The following DYNC2LI1 variants were observed in gnomAD, a reference collection of about 807,000 sequenced individuals.
The protein encoded by DYNC2LI1 is cytoplasmic dynein 2 light intermediate chain 1.
Under a neutral mutation model 51.9 loss-of-function variants are expected in DYNC2LI1, and 45 were observed. The ratio of observed to expected loss-of-function variants is 0.87; its 90% CI spans 0.68 to 1.11. The LOEUF is 1.11. DYNC2LI1 is among the 50% of genes most tolerant of loss of function. DYNC2LI1 has a pLI of 0.00. For synonymous variants in DYNC2LI1, 130 were observed against 137.8 expected, an observed-to-expected ratio of 0.94 and a Z score of 0.40; for missense variants, 490 against 417.4, an observed-to-expected ratio of 1.17 and a Z score of -1.51.
chr2:43,809,482 C>A (rs1159000720), intron 12 of DYNC2LI1, among the ~76,000 whole-genome samples: 1 of 152,158 alleles, frequency 6.6e-6, no homozygotes, highest in African/African-American at 2.4e-5. Context: ...TTAATAAATT[C>A]ATCTCTGAGT....
chr2:43,802,874 A>G (rs2104711628), intron 10 of DYNC2LI1, among the ~76,000 whole-genome samples: 1 of 152,314 alleles, frequency 6.6e-6, no homozygotes, highest in South Asian at 2.1e-4. Flanking sequence ...CAGACATTTC[A>G]TTTCAGAGAG....
At chr2:43,824,604 T>C in the DYNC2LI1 span, 3 of 985,450 alleles carry the variant, frequency 3.0e-6, no homozygotes, top group Non-Finnish European at 3.6e-6. Flanking sequence ...CAGCAGGGCC[T>C]TGAGGATCCC....
the DYNC2LI1 span, chr2:43,823,775 C>A: frequency 1.0e-6 from 1 of 975,586 alleles, no homozygotes; most frequent in Non-Finnish European, 1.5e-6. Context: ...AGTTGCCTTT[C>A]CCCAGAGAGG....
At chr2:43,820,281 C>T in the DYNC2LI1 span, among the ~76,000 whole-genome samples, 7 of 152,218 alleles carry the variant, frequency 4.6e-5, no homozygotes, top group African/African-American at 1.7e-4. Flanking sequence ...TTTATTATAT[C>T]AAATTGTTCC....
At chr2:43,786,999 A>G (rs1483356908) in intron 3 of DYNC2LI1, among the ~76,000 whole-genome samples, 182 bp from the exon 4 acceptor site, 3 of 152,152 alleles carry the variant, frequency 2.0e-5, no homozygotes, top group Admixed American at 2.0e-4. Context: ...GTTAAAATCC[A>G]CTAAGACGGT....
chr2:43,807,767 A>C (rs1272097790), intron 12 of DYNC2LI1, among the ~76,000 whole-genome samples: 1 of 150,272 alleles, frequency 6.7e-6, no homozygotes, highest in African/African-American at 2.5e-5. Flanking sequence ...AAAAAAAAAA[A>C]AAAAAAGGTT....
intron 3 of DYNC2LI1, among the ~76,000 whole-genome samples, chr2:43,785,876 A>G (rs1360399053): frequency 6.6e-6 from 1 of 152,026 alleles, no homozygotes; most frequent in African/African-American, 2.4e-5. Context: ...GTGAGATGAA[A>G]AAGTTCTGAA....
At chr2:43,813,258 C>T, downstream of DYNC2LI1, 1 of 1,613,992 alleles carries the variant, frequency 6.2e-7, no homozygotes, top group South Asian at 1.1e-5. Context: ...GAATTGAATT[C>T]CTTGAGTGAA....
Position 43,807,688 on chromosome 2 carries a change from G to C in DYNC2LI1, c.994-2017G>C, listed in dbSNP as rs902615757. On this transcript the variant is annotated intron_variant, in intron 12 of 12. Transcript: ENST00000260605. Reference sequence around the variant, plus strand: ...CCTGAGTTGGCCTCCCAAAGTGCTGGGATTACAGGCATGAGCCACTGTGCC... The same window carrying C: ...CCTGAGTTGGCCTCCCAAAGTGCTGCGATTACAGGCATGAGCCACTGTGCC... 4.3e-4 allele frequency among the ~76,000 whole-genome samples: 62 copies of C among 142,546 alleles called. 1 individual carries two copies. The highest frequency in any genetic ancestry group is 1.4e-3 in the African/African-American group (53 of 37,896). 93.5% of individuals were successfully genotyped at this position (142,546 alleles called of 152,430 possible).
intron 8 of DYNC2LI1, among the ~76,000 whole-genome samples, chr2:43,798,523 G>A (rs1040057479): frequency 1.3e-5 from 2 of 152,192 alleles, no homozygotes; most frequent in African/African-American, 4.8e-5. Context: ...TGGTTATAAA[G>A]TTAGCTGAGG....
At chr2:43,784,886 T>G (rs972214498) in intron 3 of DYNC2LI1, among the ~76,000 whole-genome samples, 2 of 152,196 alleles carry the variant, frequency 1.3e-5, no homozygotes, top group African/African-American at 4.8e-5. Flanking sequence ...TAACCGAATA[T>G]TACTCTCTAT....
At position 43,789,784 on chromosome 2, in the gene DYNC2LI1, G is replaced by A. The variant is rs1030475063; in HGVS notation, c.320+63G>A. On this transcript the variant is annotated intron_variant, in intron 5 of 12. Coordinates refer to ENST00000260605, the MANE Select transcript of DYNC2LI1 (RefSeq NM_016008.4). ...AGGAGTGTCCCTAGGAGGAATATGA[G>A]TTGGCTTTTCTCAGTCAGAATTTTG... 46 of 1,457,932 alleles carry A rather than the reference G, an allele frequency of 3.2e-5. No homozygotes were observed. In the Admixed American group the frequency reaches 5.8e-4, roughly 18 times the overall value. The allele number at this position is 1,457,932 out of a possible 1,614,324, so 90.3% of individuals were successfully genotyped here.
At chr2:43,799,229 C>T in intron 8 of DYNC2LI1, among the ~76,000 whole-genome samples, 1 of 152,020 alleles carries the variant, frequency 6.6e-6, no homozygotes, top group East Asian at 1.9e-4. Context: ...CTGAGCCTGG[C>T]AGTTTGAGGC....
chr2:43,824,484 G>A, the DYNC2LI1 span: 2 of 1,601,140 alleles, frequency 1.2e-6, no homozygotes, highest in South Asian at 1.1e-5. Flanking sequence ...ATGCATGTAT[G>A]TACATGGATA....
intron 5 of DYNC2LI1, 95 bp from the exon 6 acceptor site, chr2:43,794,362 A>G (rs1673931911): frequency 7.8e-7 from 1 of 1,282,468 alleles, no homozygotes; most frequent in African/African-American, 1.5e-5. Flanking sequence ...CCCTTAAGGT[A>G]TATTTTAGTT....
chr2:43,812,137 G>C (rs4952685), downstream of DYNC2LI1, among the ~76,000 whole-genome samples: 2 of 151,654 alleles, frequency 1.3e-5, no homozygotes, highest in African/African-American at 4.9e-5. Flanking sequence ...TGCAGCCCCT[G>C]CCTCCTAGGT....
At chr2:43,792,197 G>A (rs892648914) in intron 5 of DYNC2LI1, among the ~76,000 whole-genome samples, 2 of 152,006 alleles carry the variant, frequency 1.3e-5, no homozygotes, top group Non-Finnish European at 2.9e-5. Flanking sequence ...TAATTGCCTA[G>A]ACAATGTAAT....
At chr2:43,782,814 T>G (rs1324599176) in intron 2 of DYNC2LI1, among the ~76,000 whole-genome samples, 1 of 152,034 alleles carries the variant, frequency 6.6e-6, no homozygotes, top group Non-Finnish European at 1.5e-5. Context: ...AAACCTTGTT[T>G]CTACTAAAAA....
At chr2:43,813,349 C>T (rs1666584660), downstream of DYNC2LI1, 3 of 1,442,424 alleles carry the variant, frequency 2.1e-6, no homozygotes, top group East Asian at 2.3e-5. Context: ...TGTGGTTTAT[C>T]TCAGGTAATT....
Sources: allele counts gnomAD v4.1 joint callset (sites outside exome capture counted in the v4.1 genomes callset), GRCh38; gene constraint gnomAD v4.1.1; transcripts MANE v1.5; gene names NCBI Gene and HGNC (gene_info 2026-07-23, HGNC 2026-07-21).